AKT3: variants seen among roughly 807,000 people sequenced by gnomAD.
The protein encoded by AKT3 is AKT serine/threonine kinase 3, also known as RAC-gamma serine/threonine-protein kinase.
Under a neutral mutation model 65.3 loss-of-function variants are expected in AKT3, and 15 were observed. The observed-to-expected ratio is 0.23, with a 90% confidence interval of 0.15 to 0.35. AKT3 has a LOEUF of 0.35. Ranked by LOEUF, AKT3 falls within the 10% of genes least tolerant of loss-of-function variation. The pLI is 1.00. For synonymous variants in AKT3, 206 were observed against 183.8 expected, an observed-to-expected ratio of 1.12 and a Z score of -0.98; for missense variants, 243 against 576.5, an observed-to-expected ratio of 0.42 and a Z score of 5.92.
intron 12 of AKT3, among the ~76,000 whole-genome samples, chr1:243,524,194 G>C (rs4460621): frequency 4.6e-5 from 7 of 152,164 alleles, no homozygotes; most frequent in African/African-American, 1.7e-4. Flanking sequence ...TGGTATATGC[G>C]GTGTGTTGAC....
At chr1:243,623,729 C>T (rs781093603) in intron 6 of AKT3, among the ~76,000 whole-genome samples, 9 of 152,148 alleles carry the variant, frequency 5.9e-5, no homozygotes, top group Non-Finnish European at 1.2e-4. Flanking sequence ...GGAACTTGGA[C>T]GGAGATACGT....
At chr1:243,689,406 T>C (rs1018343273) in intron 3 of AKT3, among the ~76,000 whole-genome samples, 1 of 151,844 alleles carries the variant, frequency 6.6e-6, no homozygotes, top group Non-Finnish European at 1.5e-5. Context: ...CCCATGTATG[T>C]CCACTAGAAG....
intron 2 of AKT3, among the ~76,000 whole-genome samples, chr1:243,829,470 T>C (rs1224347234): frequency 6.6e-6 from 1 of 151,986 alleles, no homozygotes; most frequent in Non-Finnish European, 1.5e-5. Context: ...ATATTCAAAC[T>C]AGAAAAATAT....
chr1:243,834,892 C>T (rs1434267053), intron 2 of AKT3, among the ~76,000 whole-genome samples: 1 of 151,776 alleles, frequency 6.6e-6, no homozygotes, highest in Non-Finnish European at 1.5e-5. Context: ...ATGAATAAGG[C>T]AAAAAATATA....
At chr1:243,820,005 G>A (rs765897440) in intron 2 of AKT3, among the ~76,000 whole-genome samples, 19 of 152,146 alleles carry the variant, frequency 1.2e-4, no homozygotes, top group Admixed American at 4.6e-4. Context: ...TGCAACCTCC[G>A]CCTCCCAGGT....
chr1:243,625,865 A>C (rs1679121915), intron 6 of AKT3, among the ~76,000 whole-genome samples: 1 of 152,224 alleles, frequency 6.6e-6, no homozygotes, highest in Non-Finnish European at 1.5e-5. Context: ...CATGATCCAA[A>C]CACACAATAG....
At chr1:243,800,720 G>GA (rs147831687) in intron 2 of AKT3, among the ~76,000 whole-genome samples, 73 of 140,256 alleles carry the variant, frequency 5.2e-4, no homozygotes, top group South Asian at 2.0e-3. Flanking sequence ...CAGTCTCGAG[G>GA]AAAAAAAAAA....
At chr1:243,660,923 A>G (rs1682264009) in intron 4 of AKT3, among the ~76,000 whole-genome samples, 1 of 152,228 alleles carries the variant, frequency 6.6e-6, no homozygotes, top group Admixed American at 6.5e-5. Context: ...AACAACAGAC[A>G]GAGAGCCAAA....
intron 2 of AKT3, among the ~76,000 whole-genome samples, chr1:243,728,655 C>T (rs1034411542): frequency 1.3e-5 from 2 of 152,084 alleles, no homozygotes; most frequent in Admixed American, 6.6e-5. Flanking sequence ...CAGTTCTTCA[C>T]GATTTCAAAG....
rs1467739001 is a variant in AKT3, at chr1:243,635,645, T to C, written c.561+1966A>G. 2.6e-5 allele frequency among the ~76,000 whole-genome samples: 4 copies of C among 151,788 alleles called. No individual in the cohort carries two copies. In the South Asian group the frequency reaches 8.3e-4, roughly 31 times the overall value. On this transcript the variant is annotated intron_variant, in intron 6 of 13. Coordinates refer to ENST00000673466, the MANE Select transcript of AKT3 (RefSeq NM_005465.7). Reference sequence around the variant, plus strand: ...TAGTACCTAAAAGTTTAAGAAAAAATAGGTTATTTATATAGTCCCAGAGTA... The same window carrying C: ...TAGTACCTAAAAGTTTAAGAAAAAACAGGTTATTTATATAGTCCCAGAGTA...
At chr1:243,831,131 C>A (rs1289989768) in intron 2 of AKT3, among the ~76,000 whole-genome samples, 1 of 152,146 alleles carries the variant, frequency 6.6e-6, no homozygotes, top group Admixed American at 6.5e-5. Context: ...CTTCTAGAAT[C>A]ATTATTTTCT....
At chr1:243,580,808 T>C (rs570455242) in intron 8 of AKT3, among the ~76,000 whole-genome samples, 32 of 152,304 alleles carry the variant, frequency 2.1e-4, no homozygotes, top group African/African-American at 7.5e-4. Context: ...AGCACATCTC[T>C]GGCATCCAGA....
intron 12 of AKT3, among the ~76,000 whole-genome samples, chr1:243,535,121 A>C (rs1364169261): frequency 6.6e-6 from 1 of 150,386 alleles, no homozygotes; most frequent in East Asian, 1.9e-4. Context: ...CCCTTGCATA[A>C]ATTTTAAAAT....
chr1:243,629,198 C>A (rs1679409206), intron 6 of AKT3, among the ~76,000 whole-genome samples: 2 of 152,050 alleles, frequency 1.3e-5, no homozygotes, highest in African/African-American at 4.8e-5. Context: ...ATCTCTTGCA[C>A]CTGGGAGGCA....
At chr1:243,843,770 G>C (rs1034100675) in intron 1 of AKT3, among the ~76,000 whole-genome samples, 1 of 151,456 alleles carries the variant, frequency 6.6e-6, no homozygotes, top group Non-Finnish European at 1.5e-5. Flanking sequence ...TTCTGCCTCA[G>C]CCTCCCAAGC....
chr1:243,488,623 C>A (rs1234664168), intron 13 of AKT3, among the ~76,000 whole-genome samples: 2 of 152,182 alleles, frequency 1.3e-5, no homozygotes, highest in Non-Finnish European at 2.9e-5. Context: ...TTCCACGGCC[C>A]TCACCCACTT....
At chr1:243,595,735 T>C (rs1190993381) in intron 8 of AKT3, among the ~76,000 whole-genome samples, 2 of 152,214 alleles carry the variant, frequency 1.3e-5, no homozygotes, top group African/African-American at 4.8e-5. Context: ...GTAAGGTCTT[T>C]CGGAGCAGGC....
At chr1:243,829,392 T>C (rs994804560) in intron 2 of AKT3, among the ~76,000 whole-genome samples, 28 of 152,106 alleles carry the variant, frequency 1.8e-4, no homozygotes, top group African/African-American at 6.5e-4. Flanking sequence ...GGGAAAAGTC[T>C]GACATATTAA....
chr1:243,800,717 G>T (rs188703097), intron 2 of AKT3, among the ~76,000 whole-genome samples: 53 of 149,484 alleles, frequency 3.5e-4, no homozygotes, highest in African/African-American at 1.1e-3. Context: ...ACTCAGTCTC[G>T]AGGAAAAAAA....
Sources: gnomAD v4.1 joint callset for allele counts (sites outside exome capture counted in the v4.1 genomes callset) on GRCh38, gnomAD v4.1.1 for gene constraint, MANE v1.5 for transcripts, NCBI Gene and HGNC (gene_info 2026-07-23, HGNC 2026-07-21) for gene names.